Variants in SEC62 observed in about 807,000 individuals in gnomAD.
SEC62 encodes SEC62 preprotein translocation factor, also known as translocation protein SEC62.
SEC62 carries 10 observed loss-of-function variants against 47.5 expected under a neutral mutation model. The observed-to-expected ratio is 0.21, with a 90% confidence interval of 0.13 to 0.36. The LOEUF is 0.36. Ranked by LOEUF, SEC62 falls within the 10% of genes least tolerant of loss-of-function variation. The probability of loss-of-function intolerance (pLI) is 1.00; values close to 1 mark genes in which losing one functional copy is unlikely to be tolerated. For missense variants in SEC62, 327 were observed against 464.1 expected (o/e 0.70, Z 2.71); for synonymous variants, 136 against 150.5 (o/e 0.90, Z 0.71).
intron 3 of SEC62, among the ~76,000 whole-genome samples, chr3:169,981,387 C>T (rs1027973021): frequency 3.3e-5 from 5 of 152,122 alleles, no homozygotes; most frequent in Admixed American, 6.6e-5. Context: ...GGACTGAACA[C>T]AGTGACAAAA....
At chr3:169,989,055 G>C (rs1450578456) in intron 7 of SEC62, among the ~76,000 whole-genome samples, 9 of 151,650 alleles carry the variant, frequency 5.9e-5, no homozygotes. Flanking sequence ...GAAAACATAA[G>C]TAAATGAATT....
chr3:169,974,634 A>G (rs913585649), intron 1 of SEC62, among the ~76,000 whole-genome samples: 1 of 152,242 alleles, frequency 6.6e-6, no homozygotes, highest in Non-Finnish European at 1.5e-5. Context: ...CACCTCTTCA[A>G]ATGAGATAGT....
Position 169,969,448 on chromosome 3 carries a change from G to A in SEC62, c.36+2590G>A, listed in dbSNP as rs180970875. 189 of 424,234 alleles carry A rather than the reference G, an allele frequency of 4.5e-4. 1 individual carries two copies. Among genetic ancestry groups the A allele is most frequent in the African/African-American group, 3.7e-3 (182 of 48,922 alleles). 26.3% of individuals were successfully genotyped at this position (424,234 alleles called of 1,614,324 possible). A position where few individuals can be genotyped will look rare whatever the true frequency, so the allele number is the denominator to read the frequency against. ...AACAATGTGCTGCTGCATAGTAGAAGTTGATTTACAATCCTGGTATCAAGA... is the reference window on the plus strand; with the variant it reads ...AACAATGTGCTGCTGCATAGTAGAAATTGATTTACAATCCTGGTATCAAGA... On this transcript the variant is annotated intron_variant, in intron 1 of 7. Coordinates refer to ENST00000337002, the MANE Select transcript of SEC62 (RefSeq NM_003262.4).
At chr3:169,972,306 A>G (rs963872762) in intron 1 of SEC62, among the ~76,000 whole-genome samples, 5 of 152,316 alleles carry the variant, frequency 3.3e-5, no homozygotes, top group African/African-American at 1.2e-4. Flanking sequence ...TACTAGAGCC[A>G]AATTTTGTGT....
At chr3:169,967,334 C>T (rs899513858) in intron 1 of SEC62, among the ~76,000 whole-genome samples, 6 of 152,150 alleles carry the variant, frequency 3.9e-5, no homozygotes, top group African/African-American at 1.4e-4. Flanking sequence ...GTTCTTTGTG[C>T]GCATAGACCG....
At chr3:169,986,564 A>G (rs1715112747) in intron 6 of SEC62, among the ~76,000 whole-genome samples, 1 of 152,230 alleles carries the variant, frequency 6.6e-6, no homozygotes. Context: ...AGAAAGTTAC[A>G]GACGAGTAAG....
At chr3:169,967,756 C>T (rs769826596) in intron 1 of SEC62, among the ~76,000 whole-genome samples, 11 of 152,112 alleles carry the variant, frequency 7.2e-5, no homozygotes, top group Non-Finnish European at 1.3e-4. Context: ...CTTCATAAGC[C>T]CTCAAATTGA....
Position 169,982,914 on chromosome 3 carries a change from G to T in SEC62, c.456+3G>T. ...GTGAAAAGGAAGAATCCAAAAAGGT[G>T]AGTTAATCTAAAATTAAGTAAAAAT... On this transcript the variant is annotated splice_donor_region_variant and intron_variant, in intron 4 of 7. Coordinates refer to ENST00000337002, the MANE Select transcript of SEC62 (RefSeq NM_003262.4). 1 of 1,563,240 alleles carries T rather than the reference G, an allele frequency of 6.4e-7. No homozygotes were observed. The highest frequency in any genetic ancestry group is 1.2e-5 in the South Asian group (1 of 81,886).
intron 5 of SEC62, 59 bp from the exon 6 acceptor site, chr3:169,985,746 C>A: frequency 7.5e-7 from 1 of 1,337,668 alleles, no homozygotes; most frequent in Non-Finnish European, 1.1e-6. Context: ...TAGAATTAAG[C>A]ATTACTTTCT....
At chr3:169,991,549 C>CA (rs981067712) in intron 7 of SEC62, among the ~76,000 whole-genome samples, 1 of 152,064 alleles carries the variant, frequency 6.6e-6, no homozygotes, top group African/African-American at 2.4e-5. Context: ...CCCATCTCTA[C>CA]AAAAAATACA....
chr3:169,980,089 A>G (rs960737207), intron 3 of SEC62, among the ~76,000 whole-genome samples: 7 of 152,224 alleles, frequency 4.6e-5, no homozygotes, highest in African/African-American at 1.7e-4. Context: ...CAGGAATACA[A>G]TAATAACTAT....
chr3:169,994,538 A>G lies in SEC62; in HGVS notation c.*1475A>G, dbSNP rs1406616004. 1 of 152,570 alleles carries G rather than the reference A, an allele frequency of 6.6e-6. No homozygotes were observed. The highest frequency in any genetic ancestry group is 1.5e-5 in the Non-Finnish European group (1 of 68,022). 9.5% of individuals were successfully genotyped at this position (152,570 alleles called of 1,614,324 possible). The stretch of plus-strand genomic sequence containing the variant: ...TAGTAGTCCCTGTAAGTGGACATAA[A>G]TGTGGCTATTTGATGTTAATGCAAC... On this transcript the variant is annotated 3_prime_UTR_variant, in exon 8 of 8. Transcript: ENST00000337002.
At chr3:169,982,102 C>CA (rs1714988532) in intron 3 of SEC62, among the ~76,000 whole-genome samples, 1 of 152,034 alleles carries the variant, frequency 6.6e-6, no homozygotes, top group African/African-American at 2.4e-5. Flanking sequence ...CATGTTTTGC[C>CA]AAATATATTG....
chr3:169,996,677 CT>C lies in SEC62; in HGVS notation c.*3615del, dbSNP rs1559969745. ...AGGGTGCCTATTCTCGGCTCTTCTC[CT>C]GGGGTTGGGGGGCTGCCTTAGCAGC... On this transcript the variant is annotated 3_prime_UTR_variant, in exon 8 of 8. Coordinates refer to ENST00000337002, the MANE Select transcript of SEC62 (RefSeq NM_003262.4). The C allele has an allele frequency of 6.6e-6, 1 of 152,340 alleles. No individual in the cohort carries two copies. Among genetic ancestry groups the C allele is most frequent in the Non-Finnish European group, 1.5e-5 (1 of 68,188 alleles). 9.4% of individuals were successfully genotyped at this position (152,340 alleles called of 1,614,324 possible).
intron 1 of SEC62, among the ~76,000 whole-genome samples, chr3:169,974,873 C>T (rs1031274943): frequency 2.0e-5 from 3 of 152,178 alleles, no homozygotes; most frequent in Non-Finnish European, 2.9e-5. Context: ...GGATACATAT[C>T]TTTGGCTGTT....
chr3:169,979,404 T>C (rs536035053), intron 3 of SEC62, among the ~76,000 whole-genome samples: 108 of 152,174 alleles, frequency 7.1e-4, no homozygotes, highest in Non-Finnish European at 1.1e-3. Flanking sequence ...AATAGGAAAA[T>C]GTAGGATGAT....
intron 5 of SEC62, 195 bp downstream of exon 5, chr3:169,983,448 T>C (rs1194557798): frequency 2.5e-6 from 1 of 397,334 alleles, no homozygotes; most frequent in African/African-American, 2.1e-5. Context: ...CTGTGAGTGA[T>C]AGGAAACCTG....
At chr3:169,985,237 A>G (rs1287561785) in intron 5 of SEC62, 2 of 152,216 alleles carry the variant, frequency 1.3e-5, no homozygotes, top group African/African-American at 2.4e-5. Context: ...ATGTGCACAC[A>G]TGGAACAATT....
rs1443443390 is a variant in SEC62 at position 169,996,897 on chromosome 3, T to C, written c.*3834T>C. 1 of 152,196 alleles carries C rather than the reference T, an allele frequency of 6.6e-6. No individual in the cohort carries two copies. The allele number at this position is 152,196 out of a possible 1,614,324, so 9.4% of individuals were successfully genotyped here. ...ATCTTCATGTAAAGAACCATCTGTT[T>C]CTTATTGGAATCAAGACCAATACCA... On this transcript the variant is annotated 3_prime_UTR_variant, in exon 8 of 8. Transcript: ENST00000337002.
Sources: allele counts gnomAD v4.1 joint callset (sites outside exome capture counted in the v4.1 genomes callset), GRCh38; gene constraint gnomAD v4.1.1; transcripts MANE v1.5; gene names NCBI Gene and HGNC (gene_info 2026-07-23, HGNC 2026-07-21).